Variants in EIF3E observed in about 807,000 individuals in gnomAD.
EIF3E encodes the protein eukaryotic translation initiation factor 3 subunit E.
A neutral mutation model predicts 59.3 loss-of-function variants in EIF3E; 25 were observed. That is an observed-to-expected ratio of 0.42 (90% CI 0.31 to 0.59). The LOEUF is 0.59. EIF3E is among the 20% of genes least tolerant of loss of function. The pLI, the probability that EIF3E is intolerant of heterozygous loss-of-function variation, is 0.15. For missense variants in EIF3E, 317 were observed against 534.3 expected, an observed-to-expected ratio of 0.59 and a Z score of 4.01; for synonymous variants, 176 against 170.2, an observed-to-expected ratio of 1.03 and a Z score of -0.26.
intron 7 of EIF3E, among the ~76,000 whole-genome samples, chr8:108,223,345 C>A (rs1263249836): frequency 6.6e-6 from 1 of 152,134 alleles, no homozygotes; most frequent in Non-Finnish European, 1.5e-5. Flanking sequence ...ACTAAGTAGA[C>A]CTCCAGATGA....
intron 7 of EIF3E, 21 bp downstream of exon 7, chr8:108,228,246 T>C (rs1332652914): frequency 6.4e-7 from 1 of 1,559,654 alleles, no homozygotes; most frequent in Non-Finnish European, 8.6e-7. Context: ...AAAGCCAAAA[T>C]TACACAGTGA....
At chr8:108,203,259 G>T in intron 11 of EIF3E, 142 bp from the exon 12 acceptor site, 2 of 1,285,822 alleles carry the variant, frequency 1.6e-6, no homozygotes, top group Admixed American at 2.4e-5. Context: ...AAAAAAATAG[G>T]AGGCTTCTGT....
At chr8:108,238,252 G>A (rs1012930912) in intron 3 of EIF3E, among the ~76,000 whole-genome samples, 1 of 152,194 alleles carries the variant, frequency 6.6e-6, no homozygotes. Flanking sequence ...CGCATGATGT[G>A]TGTATATATC....
chr8:108,222,861 T>C (rs1421401932), intron 7 of EIF3E, among the ~76,000 whole-genome samples: 5 of 147,348 alleles, frequency 3.4e-5, no homozygotes, highest in African/African-American at 7.5e-5. Flanking sequence ...AATAACAGAC[T>C]CAGTATTTGT....
chr8:108,234,987 C>G lies in EIF3E; in HGVS notation c.471+11G>C. ...AAAAAAAAAAAAAAAAAAACATGTACTTATACTTACCAGCACTCTAAAAAA... is the reference window on the plus strand; with the variant it reads ...AAAAAAAAAAAAAAAAAAACATGTAGTTATACTTACCAGCACTCTAAAAAA... On this transcript the variant is annotated intron_variant, in intron 5 of 12. Coordinates refer to ENST00000220849, the MANE Select transcript of EIF3E (RefSeq NM_001568.3). 9.5e-7 allele frequency: 1 copy of G among 1,052,900 alleles called. No individual in the cohort carries two copies. The highest frequency in any genetic ancestry group is 1.4e-6 in the Non-Finnish European group (1 of 716,718). The allele number at this position is 1,052,900 out of a possible 1,614,324, so 65.2% of individuals were successfully genotyped here. A position where few individuals can be genotyped will look rare whatever the true frequency, so the allele number is the denominator to read the frequency against.
intron 12 of EIF3E, among the ~76,000 whole-genome samples, chr8:108,202,349 A>C (rs1382841114): frequency 6.6e-6 from 1 of 152,048 alleles, no homozygotes; most frequent in Non-Finnish European, 1.5e-5. Flanking sequence ...TAAAATTTCA[A>C]TCAAATGGGG....
chr8:108,239,462 C>G (rs1815796107), intron 3 of EIF3E, among the ~76,000 whole-genome samples: 1 of 152,136 alleles, frequency 6.6e-6, no homozygotes, highest in Admixed American at 6.5e-5. Context: ...TCCACCTCCC[C>G]AAGTGCTGAG....
intron 10 of EIF3E, among the ~76,000 whole-genome samples, chr8:108,205,260 T>G (rs600224): frequency 1.3e-5 from 2 of 152,030 alleles, no homozygotes; most frequent in Non-Finnish European, 2.9e-5. Context: ...GTAACCAAAG[T>G]GCACGCACCG....
At chr8:108,226,476 G>A (rs763965412) in intron 7 of EIF3E, among the ~76,000 whole-genome samples, 5 of 152,152 alleles carry the variant, frequency 3.3e-5, no homozygotes, top group Non-Finnish European at 7.3e-5. Flanking sequence ...AATTACAGGC[G>A]TAAGCCACTG....
intron 7 of EIF3E, 118 bp downstream of exon 7, chr8:108,228,149 G>GAAAAA: frequency 1.0e-6 from 1 of 961,062 alleles, no homozygotes; most frequent in Non-Finnish European, 1.4e-6. Context: ...ACTACATGAA[G>GAAAAA]AAAAAAAAAA....
Position 108,202,986 on chromosome 8 carries a change from T to C in EIF3E, c.1296A>G (p.Ser432=). 6.2e-7 allele frequency: 1 copy of C among 1,611,548 alleles called. No individual in the cohort carries two copies. The change falls in exon 12 of 13, where the codon TCA becomes TCG. Residue 432 remains serine, a synonymous_variant. Transcript: ENST00000220849. ...IEKKLNQNSR[S]EAPNWATQDS... ...ATAGAAGATGTGTGGTTCTTACCTC[T>C]GACCTGCTATTCTGATTAAGTTTCT...
chr8:108,244,400 G>C (rs995619293), intron 1 of EIF3E, among the ~76,000 whole-genome samples: 6 of 152,140 alleles, frequency 3.9e-5, no homozygotes, highest in African/African-American at 1.4e-4. Flanking sequence ...AACAGATTAA[G>C]AATCTTTTTT....
intron 10 of EIF3E, among the ~76,000 whole-genome samples, chr8:108,204,746 T>TATATATAGAGAGAG (rs1354950271): frequency 9.7e-5 from 11 of 113,680 alleles, no homozygotes; most frequent in Admixed American, 2.6e-4. Flanking sequence ...TATATATATA[T>TATATATAGAGAGAG]AGAGAGAGAG....
At chr8:108,243,149 A>G (rs1419434443) in intron 1 of EIF3E, 2 of 152,204 alleles carry the variant, frequency 1.3e-5, no homozygotes, top group Non-Finnish European at 2.9e-5. Context: ...TCAATGAACT[A>G]CTACTGCTAT....
chr8:108,206,149 A>G (rs990423547), intron 10 of EIF3E, among the ~76,000 whole-genome samples: 19 of 152,140 alleles, frequency 1.2e-4, no homozygotes, highest in Admixed American at 1.2e-3. Flanking sequence ...TTACTCAACA[A>G]AATACCAACC....
chr8:108,242,104 T>C, intron 1 of EIF3E, 191 bp from the exon 2 acceptor site: 1 of 1,460,128 alleles, frequency 6.8e-7, no homozygotes, highest in Non-Finnish European at 9.1e-7. Context: ...TAAAAGTATT[T>C]TACTTACCTA....
At chr8:108,210,851 G>A (rs886603029) in intron 10 of EIF3E, among the ~76,000 whole-genome samples, 1 of 152,008 alleles carries the variant, frequency 6.6e-6, no homozygotes, top group African/African-American at 2.4e-5. Context: ...GCGGTGTTTG[G>A]TTTTCTGTCC....
chr8:108,213,243 C>T (rs1338105468), intron 10 of EIF3E, among the ~76,000 whole-genome samples: 2 of 152,118 alleles, frequency 1.3e-5, no homozygotes, highest in African/African-American at 4.8e-5. Flanking sequence ...AGAGCTACAA[C>T]AAATCTTATT....
intron 3 of EIF3E, among the ~76,000 whole-genome samples, chr8:108,236,760 A>G (rs1482486684): frequency 6.6e-6 from 1 of 152,160 alleles, no homozygotes; most frequent in African/African-American, 2.4e-5. Flanking sequence ...AGTGACTGAT[A>G]CCTGTAATCC....
Sources: gnomAD v4.1 joint callset for allele counts (sites outside exome capture counted in the v4.1 genomes callset) on GRCh38, gnomAD v4.1.1 for gene constraint, MANE v1.5 for transcripts, NCBI Gene and HGNC (gene_info 2026-07-23, HGNC 2026-07-21) for gene names.